CDH13: variants seen among roughly 807,000 people sequenced by gnomAD.
CDH13 encodes cadherin 13, also known as cadherin-13.
In CDH13, 24 loss-of-function variants were observed where a neutral mutation model predicts 63.8. The ratio of observed to expected loss-of-function variants is 0.38; its 90% CI spans 0.27 to 0.53. The LOEUF (loss-of-function observed/expected upper bound fraction) is 0.53. CDH13 is among the 20% of genes least tolerant of loss of function. CDH13 has a pLI of 0.85. For synonymous variants in CDH13, 503 were observed against 355.3 expected, an observed-to-expected ratio of 1.42 and a Z score of -4.67; for missense variants, 1,049 against 903.1, an observed-to-expected ratio of 1.16 and a Z score of -2.07.
intron 10 of CDH13, chr16:83,728,743 G>GT (rs2150948446): frequency 6.6e-6 from 1 of 152,280 alleles, no homozygotes; most frequent in Admixed American, 6.5e-5. Flanking sequence ...GATGTGACGG[G>GT]TTTTGACGAG....
chr16:83,578,426 A>C (rs764731120), intron 7 of CDH13, among the ~76,000 whole-genome samples: 6 of 152,230 alleles, frequency 3.9e-5, no homozygotes, highest in Non-Finnish European at 7.3e-5. Flanking sequence ...GGAAGGTCCC[A>C]GGCTGAAATA....
At chr16:82,924,383 T>A (rs531343923) in intron 2 of CDH13, among the ~76,000 whole-genome samples, 14 of 152,158 alleles carry the variant, frequency 9.2e-5, no homozygotes, top group Non-Finnish European at 2.1e-4. Flanking sequence ...AGTTTAGAAT[T>A]AGGATGAAAC....
At chr16:83,602,008 G>A (rs147648599) in intron 7 of CDH13, among the ~76,000 whole-genome samples, 87 of 144,482 alleles carry the variant, frequency 6.0e-4, no homozygotes, top group African/African-American at 2.0e-3. Flanking sequence ...CAGGAGAATC[G>A]CTGGAACCCG....
chr16:83,113,018 A>G (rs961967977), intron 3 of CDH13, among the ~76,000 whole-genome samples: 1 of 152,198 alleles, frequency 6.6e-6, no homozygotes, highest in Non-Finnish European at 1.5e-5. Context: ...GTTACAAGGA[A>G]CGCAAAAGCA....
At chr16:82,740,389 T>A (rs182382872) in intron 1 of CDH13, among the ~76,000 whole-genome samples, 1 of 152,230 alleles carries the variant, frequency 6.6e-6, no homozygotes, top group African/African-American at 2.4e-5. Flanking sequence ...TTCCAGATAA[T>A]GTACAGCGTA....
intron 7 of CDH13, among the ~76,000 whole-genome samples, chr16:83,488,319 C>T (rs759348151): frequency 5.9e-5 from 9 of 152,134 alleles, no homozygotes; most frequent in African/African-American, 1.7e-4. Flanking sequence ...TATATTTCTA[C>T]TGCCTAGCAT....
chr16:83,669,842 T>G (rs2150854759), intron 8 of CDH13, among the ~76,000 whole-genome samples: 1 of 152,360 alleles, frequency 6.6e-6, no homozygotes, highest in Non-Finnish European at 1.5e-5. Flanking sequence ...TTTGTCAGCT[T>G]ATTGGTGTTA....
At chr16:83,006,362 G>A (rs186772444) in intron 2 of CDH13, among the ~76,000 whole-genome samples, 119 of 152,268 alleles carry the variant, frequency 7.8e-4, no homozygotes, top group African/African-American at 2.7e-3. Context: ...CTGAAAAAAC[G>A]TTCAGATATG....
At chr16:82,886,429 C>A (rs114565847) in intron 2 of CDH13, among the ~76,000 whole-genome samples, 1,972 of 152,264 alleles carry the variant, frequency 0.013, 38 homozygotes, top group African/African-American at 0.045. Context: ...TTTCGGTAGA[C>A]AAACATGGGA....
Position 83,234,162 on chromosome 16 carries a change from G to A in CDH13, c.636+16665G>A, listed in dbSNP as rs1352748584. Among the ~76,000 whole-genome samples the A allele has an allele frequency of 2.6e-5, 4 of 152,220 alleles. No homozygotes were observed. In the South Asian group the frequency reaches 6.2e-4, roughly 24 times the overall value. Reference sequence around the variant, plus strand: ...TCTGAAAGCTCATAGGCAGTGTGTGGCAACACTGGTGTCTCTGATAGGTTT... The same window carrying A: ...TCTGAAAGCTCATAGGCAGTGTGTGACAACACTGGTGTCTCTGATAGGTTT... On this transcript the variant is annotated intron_variant, in intron 5 of 13. Transcript: ENST00000567109.
intron 5 of CDH13, among the ~76,000 whole-genome samples, chr16:83,267,711 C>T (rs1041311421): frequency 1.1e-4 from 16 of 152,194 alleles, no homozygotes; most frequent in African/African-American, 3.6e-4. Flanking sequence ...AAGGAGGCCT[C>T]GCCTGTTGTG....
chr16:82,947,420 C>T (rs533722016), intron 2 of CDH13, among the ~76,000 whole-genome samples: 49 of 152,070 alleles, frequency 3.2e-4, no homozygotes, highest in African/African-American at 8.2e-4. Flanking sequence ...ACTGGAAAAA[C>T]GGAAATATTA....
chr16:83,481,518 G>A (rs2073762283), intron 6 of CDH13, among the ~76,000 whole-genome samples: 1 of 152,288 alleles, frequency 6.6e-6, no homozygotes, highest in Non-Finnish European at 1.5e-5. Context: ...AAGAAACCAG[G>A]CGGCACTTGC....
intron 4 of CDH13, among the ~76,000 whole-genome samples, chr16:83,204,693 C>G (rs754663019): frequency 1.7e-4 from 26 of 152,144 alleles, no homozygotes; most frequent in Non-Finnish European, 3.2e-4. Flanking sequence ...ATAGGTTAGG[C>G]TTTGGTGACA....
intron 2 of CDH13, among the ~76,000 whole-genome samples, chr16:82,876,356 TTAAA>T (rs1459003992): frequency 6.6e-6 from 1 of 152,232 alleles, no homozygotes; most frequent in Non-Finnish European, 1.5e-5. Flanking sequence ...TCCTAGATAA[TTAAA>T]TAATCTTTGA....
chr16:83,317,803 A>C (rs542852775), intron 5 of CDH13, among the ~76,000 whole-genome samples: 7 of 142,052 alleles, frequency 4.9e-5, no homozygotes, highest in Non-Finnish European at 9.2e-5. Flanking sequence ...CTGTCTCAAG[A>C]AAAAAAAAAA....
At chr16:82,771,535 A>G (rs1035502280) in intron 1 of CDH13, among the ~76,000 whole-genome samples, 4 of 152,214 alleles carry the variant, frequency 2.6e-5, no homozygotes, top group Non-Finnish European at 5.9e-5. Context: ...TTCCTCCCCG[A>G]AAGTGGAGAC....
chr16:83,535,936 A>AAAGG (rs999467515), intron 7 of CDH13, among the ~76,000 whole-genome samples: 1 of 118,314 alleles, frequency 8.5e-6, no homozygotes, highest in Non-Finnish European at 1.8e-5. Context: ...AGAAGGAAGG[A>AAAGG]AAGGAAGGAA....
chr16:83,726,243 C>T (rs1470543660), intron 10 of CDH13: 1 of 152,190 alleles, frequency 6.6e-6, no homozygotes, highest in Non-Finnish European at 1.5e-5. Context: ...CACATGACCT[C>T]TGTTTTTTAG....
Sources: allele counts gnomAD v4.1 joint callset (sites outside exome capture counted in the v4.1 genomes callset), GRCh38; gene constraint gnomAD v4.1.1; transcripts MANE v1.5; gene names NCBI Gene and HGNC (gene_info 2026-07-23, HGNC 2026-07-21).